The following DDX10 variants were observed in gnomAD, a reference collection of about 807,000 sequenced individuals.
DDX10 encodes the protein probable ATP-dependent RNA helicase DDX10.
DDX10 carries 74 observed loss-of-function variants against 104.3 expected under a neutral mutation model. The ratio of observed to expected loss-of-function variants is 0.71; its 90% CI spans 0.59 to 0.86. The LOEUF (loss-of-function observed/expected upper bound fraction) is 0.86, where lower values mean the gene tolerates loss of function less well. DDX10 is among the 40% of genes least tolerant of loss of function. The pLI, the probability that DDX10 is intolerant of heterozygous loss-of-function variation, is 0.00. For missense variants in DDX10, 952 were observed against 1,040.0 expected (o/e 0.92, Z 1.16); for synonymous variants, 351 against 353.4 (o/e 0.99, Z 0.08).
chr11:108,786,869 A>G (rs1861801565), intron 13 of DDX10, among the ~76,000 whole-genome samples: 1 of 152,108 alleles, frequency 6.6e-6, no homozygotes, highest in South Asian at 2.1e-4. Flanking sequence ...GATATATGAG[A>G]TTTTGATCCT....
chr11:108,831,438 A>AG (rs1254460483), intron 13 of DDX10, among the ~76,000 whole-genome samples: 1 of 150,988 alleles, frequency 6.6e-6, no homozygotes, highest in African/African-American at 2.4e-5. Flanking sequence ...AAAAAAAAAA[A>AG]AAAAAAAGAA....
chr11:108,872,528 A>G (rs1863096489), intron 16 of DDX10, among the ~76,000 whole-genome samples: 1 of 152,198 alleles, frequency 6.6e-6, no homozygotes, highest in Non-Finnish European at 1.5e-5. Flanking sequence ...ATACTTTGAG[A>G]TAATATTCTC....
intron 13 of DDX10, among the ~76,000 whole-genome samples, chr11:108,776,342 T>C (rs1005367652): frequency 1.3e-4 from 20 of 152,216 alleles, no homozygotes; most frequent in Non-Finnish European, 2.2e-4. Context: ...TGGAGGATTA[T>C]ACAGATATCT....
Position 108,835,784 on chromosome 11 carries a change from A to G in DDX10, c.1966-2662A>G, listed in dbSNP as rs1029002717. Among the ~76,000 whole-genome samples, 30 of 149,374 alleles carry G rather than the reference A, an allele frequency of 2.0e-4. 1 individual carries two copies. Among genetic ancestry groups the G allele is most frequent in the Admixed American group, 1.1e-3 (17 of 14,884 alleles). ...TGGCACCCTGTGCAGATGAAGGGAT[A>G]GTCCCTGCTTGGCCAATCCAGGGTA... On this transcript the variant is annotated intron_variant, in intron 13 of 17. Coordinates refer to ENST00000322536, the MANE Select transcript of DDX10 (RefSeq NM_004398.4).
At chr11:108,753,540 G>A (rs943764002) in intron 13 of DDX10, among the ~76,000 whole-genome samples, 1 of 151,912 alleles carries the variant, frequency 6.6e-6, no homozygotes, top group African/African-American at 2.4e-5. Flanking sequence ...TCTGTCCATC[G>A]TGTTTTCATG....
chr11:108,904,045 A>T lies in DDX10; in HGVS notation c.2305-13828A>T, dbSNP rs114884159. ...AATTTTAAGGTCCTTGTTTTATTCC[A>T]CTGTCCTTGAGTCATTGGTATTATA... On this transcript the variant is annotated intron_variant, in intron 16 of 17. Transcript: ENST00000322536. 9.9e-3 allele frequency among the ~76,000 whole-genome samples: 1,512 copies of T among 152,150 alleles called. 26 individuals are homozygous for T. Among genetic ancestry groups the T allele is most frequent in the African/African-American group, 0.032 (1,336 of 41,518 alleles).
At chr11:108,766,580 G>T (rs1288589639) in intron 13 of DDX10, among the ~76,000 whole-genome samples, 2 of 151,124 alleles carry the variant, frequency 1.3e-5, no homozygotes, top group South Asian at 4.1e-4. Context: ...GAGTAAACTT[G>T]TATTGTAATA....
chr11:108,692,747 G>A (rs1252498347), intron 8 of DDX10, among the ~76,000 whole-genome samples: 2 of 152,086 alleles, frequency 1.3e-5, no homozygotes, highest in East Asian at 1.9e-4. Context: ...GCATATCTCA[G>A]ATGCCATATT....
chr11:108,813,889 T>C (rs1172153079), intron 13 of DDX10, among the ~76,000 whole-genome samples: 1 of 152,182 alleles, frequency 6.6e-6, no homozygotes, highest in Non-Finnish European at 1.5e-5. Flanking sequence ...CTGTTTTTGG[T>C]CTTTCTGTTT....
At chr11:108,675,998 G>A (rs558959444) in intron 3 of DDX10, among the ~76,000 whole-genome samples, 1 of 152,348 alleles carries the variant, frequency 6.6e-6, no homozygotes, top group African/African-American at 2.4e-5. Flanking sequence ...CTTGATGGAA[G>A]TGGAGTGCTC....
intron 6 of DDX10, among the ~76,000 whole-genome samples, chr11:108,679,841 A>C (rs2094232218): frequency 5.3e-5 from 8 of 152,222 alleles, no homozygotes; most frequent in Admixed American, 5.2e-4. Context: ...ACTACCTCTT[A>C]ATAAACGAAG....
chr11:108,760,176 A>T (rs2094349083), intron 13 of DDX10, among the ~76,000 whole-genome samples: 1 of 150,904 alleles, frequency 6.6e-6, no homozygotes. Context: ...TTCCCCCCCC[A>T]CCCTTAGCAT....
chr11:108,881,647 A>C (rs1289919568), intron 16 of DDX10, among the ~76,000 whole-genome samples: 1 of 152,140 alleles, frequency 6.6e-6, no homozygotes, highest in Non-Finnish European at 1.5e-5. Flanking sequence ...CTCTATTATA[A>C]AATAGGCTTT....
At chr11:108,800,124 A>G (rs1450168601) in intron 13 of DDX10, among the ~76,000 whole-genome samples, 2 of 151,152 alleles carry the variant, frequency 1.3e-5, no homozygotes, top group African/African-American at 4.9e-5. Context: ...TTCCTTACTT[A>G]TTTTTACATT....
intron 16 of DDX10, among the ~76,000 whole-genome samples, chr11:108,906,063 T>C (rs931788249): frequency 5.9e-5 from 9 of 152,190 alleles, no homozygotes; most frequent in African/African-American, 2.2e-4. Flanking sequence ...CAGATCCAAA[T>C]CATATCATCC....
chr11:108,690,993 A>G (rs1313128456), intron 7 of DDX10: 3 of 152,418 alleles, frequency 2.0e-5, no homozygotes, highest in African/African-American at 7.2e-5. Flanking sequence ...TTACATCTTT[A>G]CGAAAGAAAG....
intron 13 of DDX10, among the ~76,000 whole-genome samples, chr11:108,810,094 G>A (rs1169779072): frequency 6.6e-6 from 1 of 152,156 alleles, no homozygotes; most frequent in Non-Finnish European, 1.5e-5. Context: ...GGGAGCGTGA[G>A]TTAAGTAAGG....
chr11:108,741,980 T>C (rs1235423359), intron 13 of DDX10, among the ~76,000 whole-genome samples: 2 of 152,116 alleles, frequency 1.3e-5, no homozygotes, highest in Non-Finnish European at 1.5e-5. Context: ...ACATGCAGGC[T>C]GGTTGCAGTG....
intron 6 of DDX10, among the ~76,000 whole-genome samples, chr11:108,679,824 T>G (rs2094232172): frequency 6.6e-6 from 1 of 152,222 alleles, no homozygotes; most frequent in Non-Finnish European, 1.5e-5. Flanking sequence ...TTTTACCATT[T>G]GCCAACACTA....
Sources: gnomAD v4.1 joint callset for allele counts (sites outside exome capture counted in the v4.1 genomes callset) on GRCh38, gnomAD v4.1.1 for gene constraint, MANE v1.5 for transcripts, NCBI Gene and HGNC (gene_info 2026-07-23, HGNC 2026-07-21) for gene names.